The following CHMP4B variants were observed in gnomAD, a reference collection of about 807,000 sequenced individuals.
CHMP4B encodes SNF7 homolog associated with Alix 1.
A neutral mutation model predicts 25.1 loss-of-function variants in CHMP4B; 1 was observed. The observed-to-expected ratio is 0.04, with a 90% CI of 0.01 to 0.19. The LOEUF (loss-of-function observed/expected upper bound fraction) is 0.19. CHMP4B is among the 10% of genes least tolerant of loss of function. The pLI is 1.00. For synonymous variants in CHMP4B, 101 were observed against 115.6 expected, an observed-to-expected ratio of 0.87 and a Z score of 0.81; for missense variants, 151 against 289.7, an observed-to-expected ratio of 0.52 and a Z score of 3.48.
intron 1 of CHMP4B, among the ~76,000 whole-genome samples, chr20:33,835,546 T>G (rs926148922): frequency 8.5e-5 from 13 of 152,238 alleles, no homozygotes; most frequent in Non-Finnish European, 1.5e-4. Flanking sequence ...TCATTTTGGA[T>G]AGTTTTTATT....
At chr20:33,839,994 A>G (rs1261016578) in intron 1 of CHMP4B, among the ~76,000 whole-genome samples, 1 of 152,186 alleles carries the variant, frequency 6.6e-6, no homozygotes, top group Non-Finnish European at 1.5e-5. Flanking sequence ...GCACCCAGGA[A>G]GCTTCTCATA....
Position 33,811,639 on chromosome 20 carries a change from C to A in CHMP4B, c.171C>A (p.His57Gln). ...IEQELTAAKK[H>Q]GTKNKRAALQ... ...AGGAGCTGACGGCCGCCAAGAAGCA[C>A]GGCACCAAAAACAAGCGCGGTGAGG... Residue 57 changes from histidine (H) to glutamine (Q), a missense_variant, in exon 1 of 5, where the codon CAC becomes CAA. Physicochemically the swap from His to Gln is conservative, Grantham distance 24 (BLOSUM62 0). Transcript: ENST00000217402. 1 of 1,613,836 alleles carries A rather than the reference C, an allele frequency of 6.2e-7. No individual in the cohort carries two copies. The highest frequency in any genetic ancestry group is 1.7e-5 in the Admixed American group (1 of 59,994).
At chr20:33,847,787 A>G (rs868441797) in intron 1 of CHMP4B, among the ~76,000 whole-genome samples, 4 of 152,328 alleles carry the variant, frequency 2.6e-5, no homozygotes, top group Admixed American at 6.5e-5. Context: ...TTGCTTTTGA[A>G]TACATTTCCA....
intron 1 of CHMP4B, among the ~76,000 whole-genome samples, chr20:33,838,306 T>C (rs1979444742): frequency 6.6e-6 from 1 of 152,184 alleles, no homozygotes; most frequent in Admixed American, 6.5e-5. Context: ...TGTCAGGTGT[T>C]ACAGGGACTG....
intron 1 of CHMP4B, among the ~76,000 whole-genome samples, chr20:33,811,907 G>A (rs779618114): frequency 1.2e-4 from 19 of 152,018 alleles, no homozygotes; most frequent in Non-Finnish European, 2.8e-4. Context: ...GGTCCCTTCA[G>A]ACCCCAATCT....
chr20:33,844,684 T>G (rs1979631753), intron 1 of CHMP4B, among the ~76,000 whole-genome samples: 1 of 152,174 alleles, frequency 6.6e-6, no homozygotes, highest in African/African-American at 2.4e-5. Flanking sequence ...TAAAATCAGT[T>G]TCATAAGCAT....
chr20:33,853,396 C>A, intron 4 of CHMP4B, 100 bp from the exon 5 acceptor site: 1 of 1,078,372 alleles, frequency 9.3e-7, no homozygotes, highest in Non-Finnish European at 1.4e-6. Context: ...CAGGGCAGGG[C>A]TGTTTGACAG....
chr20:33,815,911 G>A (rs1978771254), intron 1 of CHMP4B, among the ~76,000 whole-genome samples: 1 of 152,188 alleles, frequency 6.6e-6, no homozygotes, highest in African/African-American at 2.4e-5. Context: ...ACCTGTGCAA[G>A]GTGTGGTGCT....
intron 1 of CHMP4B, among the ~76,000 whole-genome samples, chr20:33,817,918 T>C (rs1978827129): frequency 6.6e-6 from 1 of 152,216 alleles, no homozygotes; most frequent in Non-Finnish European, 1.5e-5. Flanking sequence ...ATTACGTTTC[T>C]TCTAGGTGGA....
Position 33,853,517 on chromosome 20 carries a change from A to G in CHMP4B, c.632A>G (p.Asp211Gly). ...ACAGCCAAGAAGAAAGAAGAGGAGGACGACGACATGAAGGAATTGGAGAAC... is the reference window on the plus strand; with the variant it reads ...ACAGCCAAGAAGAAAGAAGAGGAGGGCGACGACATGAAGGAATTGGAGAAC... ...SKPAKKKEEE[D>G]DDMKELENWA... The change falls in exon 5 of 5, where the codon GAC (aspartate) becomes GGC (glycine). Residue 211 changes from aspartate to glycine, a missense_variant. Asp to Gly is a moderately conservative substitution (Grantham distance 94, BLOSUM62 -1). Coordinates refer to ENST00000217402, the MANE Select transcript of CHMP4B (RefSeq NM_176812.5). 2 of 1,613,696 alleles carry G rather than the reference A, an allele frequency of 1.2e-6. No homozygotes were observed. Among genetic ancestry groups the G allele is most frequent in the South Asian group, 1.1e-5 (1 of 91,054 alleles).
At chr20:33,831,427 G>A (rs767557945) in intron 1 of CHMP4B, among the ~76,000 whole-genome samples, 4 of 150,568 alleles carry the variant, frequency 2.7e-5, no homozygotes, top group African/African-American at 7.3e-5. Context: ...ATGAGGTTTC[G>A]CTGTGTTGGC....
At chr20:33,848,667 G>A (rs1979755226) in intron 2 of CHMP4B, 23 bp downstream of exon 2, 10 of 1,613,764 alleles carry the variant, frequency 6.2e-6, no homozygotes, top group South Asian at 4.4e-5. Flanking sequence ...CCGCCCCTGC[G>A]CCACAGGGCA....
chr20:33,852,221 C>T lies in CHMP4B; in HGVS notation c.610+18C>T, dbSNP rs751863814. 26 of 1,613,934 alleles carry T rather than the reference C, an allele frequency of 1.6e-5. No individual in the cohort carries two copies. Among genetic ancestry groups the T allele is most frequent in the Non-Finnish European group, 2.1e-5 (25 of 1,179,932 alleles). On this transcript the variant is annotated intron_variant, in intron 4 of 4. Transcript: ENST00000217402. Reference sequence around the variant, plus strand: ...AAAACCCGGTGAGTGCTTCTAGAGTCATGGCACACCGTGAGGTCATGTGGC... The same window carrying T: ...AAAACCCGGTGAGTGCTTCTAGAGTTATGGCACACCGTGAGGTCATGTGGC...
chr20:33,828,844 G>A (rs1906557863), intron 1 of CHMP4B, among the ~76,000 whole-genome samples: 1 of 150,742 alleles, frequency 6.6e-6, no homozygotes, highest in South Asian at 2.1e-4. Context: ...TTTTTTAAAT[G>A]TATACACTTG....
chr20:33,839,556 T>C (rs1979478380), intron 1 of CHMP4B, among the ~76,000 whole-genome samples: 1 of 152,166 alleles, frequency 6.6e-6, no homozygotes, highest in East Asian at 1.9e-4. Flanking sequence ...TTTTTCCAGG[T>C]AGAGGTTTTT....
At chr20:33,851,631 G>A (rs964178999) in intron 3 of CHMP4B, among the ~76,000 whole-genome samples, 4 of 152,128 alleles carry the variant, frequency 2.6e-5, no homozygotes, top group African/African-American at 9.7e-5. Context: ...GGACCTTTGT[G>A]CTTTCTGACC....
At chr20:33,830,808 T>G (rs1027361321) in intron 1 of CHMP4B, among the ~76,000 whole-genome samples, 1 of 152,096 alleles carries the variant, frequency 6.6e-6, no homozygotes, top group African/African-American at 2.4e-5. Context: ...TTGACTACTT[T>G]AGGACCCGTG....
At chr20:33,820,099 A>G (rs989895202) in intron 1 of CHMP4B, among the ~76,000 whole-genome samples, 1 of 151,918 alleles carries the variant, frequency 6.6e-6, no homozygotes, top group Non-Finnish European at 1.5e-5. Context: ...AATGGTGTGA[A>G]CCCGAGAGCC....
At chr20:33,831,275 G>A (rs1198436645) in intron 1 of CHMP4B, among the ~76,000 whole-genome samples, 5 of 151,986 alleles carry the variant, frequency 3.3e-5, no homozygotes, top group Non-Finnish European at 7.4e-5. Flanking sequence ...TAGTGGAGAC[G>A]GGGTTTCACC....
Sources: allele counts gnomAD v4.1 joint callset (sites outside exome capture counted in the v4.1 genomes callset), GRCh38; gene constraint gnomAD v4.1.1; transcripts MANE v1.5; gene names NCBI Gene and HGNC (gene_info 2026-07-23, HGNC 2026-07-21).